Variants in KLHL7 observed in about 807,000 individuals in gnomAD.
KLHL7 encodes the protein kelch-like protein 7.
KLHL7 carries 44 observed loss-of-function variants against 67.4 expected under a neutral mutation model. That is an observed-to-expected ratio of 0.65 (90% CI 0.51 to 0.84). The LOEUF (loss-of-function observed/expected upper bound fraction) is 0.84, where lower values mean the gene tolerates loss of function less well. Ranked by LOEUF, KLHL7 falls within the 40% of genes least tolerant of loss-of-function variation. KLHL7 has a pLI of 0.00. For synonymous variants in KLHL7, 252 were observed against 243.3 expected (o/e 1.04, Z -0.33); for missense variants, 362 against 718.1 (o/e 0.50, Z 5.67).
chr7:23,108,673 G>A (rs1782745227), intron 1 of KLHL7, among the ~76,000 whole-genome samples: 1 of 152,200 alleles, frequency 6.6e-6, no homozygotes, highest in African/African-American at 2.4e-5. Flanking sequence ...ATGCACCCCT[G>A]TTATTAAGAG....
chr7:23,142,959 A>G (rs1010291920), intron 5 of KLHL7, among the ~76,000 whole-genome samples: 2 of 152,240 alleles, frequency 1.3e-5, no homozygotes, highest in Non-Finnish European at 2.9e-5. Context: ...AATATACCAT[A>G]CTAATGCAAC....
chr7:23,127,806 G>T (rs918926776), intron 4 of KLHL7, among the ~76,000 whole-genome samples: 11 of 151,984 alleles, frequency 7.2e-5, no homozygotes, highest in African/African-American at 1.2e-4. Flanking sequence ...CCGGGAGGCG[G>T]AGGTTGCAGT....
Position 23,172,958 on chromosome 7 carries a change from C to G in KLHL7, c.1390C>G (p.Leu464Val). 6.2e-6 allele frequency: 10 copies of G among 1,612,938 alleles called. No individual in the cohort carries two copies. Among genetic ancestry groups the G allele is most frequent in the Non-Finnish European group, 8.5e-6 (10 of 1,179,044 alleles). ...CTTTAATTTTTTCAGATGGACTGAG[C>G]TGTGTCCAATGATTGAAGCCAGGAA... ...YDPATETWTE[L>V]CPMIEARKNH... Residue 464 changes from leucine (L) to valine (V), a missense_variant, in exon 10 of 11, where the codon CTG becomes GTG. Leu to Val is a conservative substitution (Grantham distance 32, BLOSUM62 1). Around this residue, in one of 5 missense-constraint regions of KLHL7, gnomAD observed 136 missense variants for 252.7 expected, o/e 0.54. Coordinates refer to ENST00000339077, the MANE Select transcript of KLHL7 (RefSeq NM_001031710.3).
intron 3 of KLHL7, 127 bp from the exon 4 acceptor site, chr7:23,124,921 A>G (rs769570950): frequency 8.3e-6 from 9 of 1,087,880 alleles, no homozygotes; most frequent in South Asian, 1.3e-5. Flanking sequence ...ATCCTATGCC[A>G]TACTAATTCA....
intron 1 of KLHL7, among the ~76,000 whole-genome samples, chr7:23,109,685 AT>A (rs763353803): frequency 1.1e-4 from 16 of 152,328 alleles, no homozygotes; most frequent in Non-Finnish European, 2.1e-4. Context: ...ACATGTCATT[AT>A]CTTTAGGTTC....
In KLHL7 at chr7:23,105,978, C is replaced by A. The variant is rs1554282870; in HGVS notation, c.-49C>A. Reference sequence around the variant, plus strand: ...TCCCCAGTGTGCCCAGAGAGTGCGACCCCTCGCCCGGCCCGGCGAGCCCCG... The same window carrying A: ...TCCCCAGTGTGCCCAGAGAGTGCGAACCCTCGCCCGGCCCGGCGAGCCCCG... On this transcript the variant is annotated 5_prime_UTR_variant, in exon 1 of 11. Coordinates refer to ENST00000339077, the MANE Select transcript of KLHL7 (RefSeq NM_001031710.3). The A allele has an allele frequency of 7.5e-6, 12 of 1,592,028 alleles. No homozygotes were observed. In the East Asian group the frequency reaches 1.6e-4, roughly 21 times the overall value.
Position 23,124,745 on chromosome 7 carries a change from T to G in KLHL7, c.281T>G (p.Ile94Ser), listed in dbSNP as rs764255784. Residue 94 changes from isoleucine to serine, a missense_variant, in exon 3 of 11, where the codon ATT (isoleucine) becomes AGT (serine). Around this residue, in one of 5 missense-constraint regions of KLHL7, gnomAD observed 155 missense variants for 280.8 expected, o/e 0.55. Transcript: ENST00000339077. The stretch of plus-strand genomic sequence containing the variant: ...GAACTCAAAGATGCTGAACCTGATA[T>G]TATTGAACAACTGGTGGAATTTGCT... ...EVELKDAEPD[I>S]IEQLVEFAYT... The G allele has an allele frequency of 3.7e-6, 6 of 1,611,780 alleles. No homozygotes were observed. The highest frequency in any genetic ancestry group is 3.4e-6 in the Non-Finnish European group (4 of 1,177,850).
rs886062219 is a variant in KLHL7 at position 23,174,530 on chromosome 7, A to G, written c.*232A>G. The G allele has an allele frequency of 2.6e-5, 17 of 654,058 alleles. No homozygotes were observed. The highest frequency in any genetic ancestry group is 4.1e-5 in the Admixed American group (2 of 48,796). The allele number at this position is 654,058 out of a possible 1,614,324, so 40.5% of individuals were successfully genotyped here. On this transcript the variant is annotated 3_prime_UTR_variant, in exon 11 of 11. Transcript: ENST00000339077. ...ATCTAGCAAGAAAACTTGAAAAAGT[A>G]TAAGCATTTGTTAAAAATGTGAATT...
intron 1 of KLHL7, among the ~76,000 whole-genome samples, chr7:23,120,625 G>C (rs1783295358): frequency 6.6e-6 from 1 of 152,116 alleles, no homozygotes; most frequent in African/African-American, 2.4e-5. Flanking sequence ...GGAGTGCAGT[G>C]GCATGATCAC....
chr7:23,121,131 T>C (rs1262893946), intron 1 of KLHL7, among the ~76,000 whole-genome samples: 1 of 152,232 alleles, frequency 6.6e-6, no homozygotes, highest in Non-Finnish European at 1.5e-5. Flanking sequence ...CATAATGTCT[T>C]CCAGTTCCAT....
intron 4 of KLHL7, chr7:23,125,931 T>C: frequency 7.9e-7 from 1 of 1,262,124 alleles, no homozygotes; most frequent in Non-Finnish European, 1.1e-6. Context: ...CAGATAGTAC[T>C]GAATCCTATA....
At position 23,106,068 on chromosome 7, in the gene KLHL7, C is replaced by CGA; in HGVS notation, c.45_46dup (p.Lys16ArgfsTer20). 6.2e-7 allele frequency: 1 copy of CGA among 1,609,442 alleles called. No homozygotes were observed. The highest frequency in any genetic ancestry group is 8.5e-7 in the Non-Finnish European group (1 of 1,178,284). ...TGGAGAAGAGCAGCAAGAAGAAGAC[C>CGA]GAGAAGAAACTTGCTGCTCGGGAAG... is the stretch of plus-strand genomic sequence containing the variant. On this transcript the variant is annotated frameshift_variant, in exon 1 of 11. Coordinates refer to ENST00000339077, the MANE Select transcript of KLHL7 (RefSeq NM_001031710.3). LOFTEE classifies it high-confidence loss of function.
chr7:23,172,186 T>G (rs1466262076), intron 9 of KLHL7: 1 of 456,476 alleles, frequency 2.2e-6, no homozygotes, highest in East Asian at 6.9e-5. Context: ...ATGTCAGTCT[T>G]GGGAGTGTAT....
intron 5 of KLHL7, 61 bp downstream of exon 5, chr7:23,141,005 C>A: frequency 7.3e-7 from 1 of 1,371,780 alleles, no homozygotes; most frequent in Non-Finnish European, 1.0e-6. Context: ...TTTCTTAAAA[C>A]TCATGTTTGG....
chr7:23,165,655 A>AT (rs753479414), intron 7 of KLHL7, 43 bp from the exon 8 acceptor site: 4 of 1,608,558 alleles, frequency 2.5e-6, no homozygotes, highest in Non-Finnish European at 3.4e-6. Context: ...TTTCAGTTAT[A>AT]TTTTTTTCCT....
chr7:23,131,733 CT>C (rs59719158), intron 4 of KLHL7, among the ~76,000 whole-genome samples: 8,177 of 125,168 alleles, frequency 0.065, 243 homozygotes, highest in East Asian at 0.18. Context: ...CTTATTTATT[CT>C]TTTTTTTTTT....
intron 5 of KLHL7, among the ~76,000 whole-genome samples, chr7:23,141,189 C>CT (rs1302930812): frequency 6.6e-6 from 1 of 152,204 alleles, no homozygotes; most frequent in Non-Finnish European, 1.5e-5. Context: ...AAGAAGTCCA[C>CT]TTCCCAATCC....
At chr7:23,168,882 C>T (rs983666484) in intron 9 of KLHL7, among the ~76,000 whole-genome samples, 4 of 152,154 alleles carry the variant, frequency 2.6e-5, no homozygotes, top group African/African-American at 7.2e-5. Context: ...TCAAAACTCT[C>T]GTGCTTAAAG....
chr7:23,139,304 A>G lies in KLHL7; in HGVS notation c.443-1465A>G, dbSNP rs1784098224. Among the ~76,000 whole-genome samples the G allele has an allele frequency of 2.0e-5, 3 of 152,218 alleles. No homozygotes were observed. In the South Asian group the frequency reaches 6.2e-4, roughly 31 times the overall value. On this transcript the variant is annotated intron_variant, in intron 4 of 10. Coordinates refer to ENST00000339077, the MANE Select transcript of KLHL7 (RefSeq NM_001031710.3). Reference sequence around the variant, plus strand: ...ACTTTAAAAATGACACAATGGTTCAATCATTTCAATGTCAAGAAATCTAGT... The same window carrying G: ...ACTTTAAAAATGACACAATGGTTCAGTCATTTCAATGTCAAGAAATCTAGT...
Sources: allele counts gnomAD v4.1 joint callset (sites outside exome capture counted in the v4.1 genomes callset), GRCh38; gene constraint gnomAD v4.1.1; regional missense constraint gnomAD v4.1.1; transcripts MANE v1.5; gene names NCBI Gene and HGNC (gene_info 2026-07-23, HGNC 2026-07-21).